The following GRIP1 variants were observed in gnomAD, a reference collection of about 807,000 sequenced individuals.
The protein encoded by GRIP1 is glutamate receptor-interacting protein 1.
A neutral mutation model predicts 129.9 loss-of-function variants in GRIP1; 45 were observed. The observed-to-expected ratio is 0.35, with a 90% CI of 0.27 to 0.44. The LOEUF (loss-of-function observed/expected upper bound fraction) is 0.44. Ranked by LOEUF, GRIP1 falls within the 20% of genes least tolerant of loss-of-function variation. The pLI is 1.00. For synonymous variants in GRIP1, 530 were observed against 520.8 expected (o/e 1.02, Z -0.24); for missense variants, 1,196 against 1,396.8 (o/e 0.86, Z 2.29).
chr12:66,856,966 A>G (rs572253706), intron 1 of GRIP1, among the ~76,000 whole-genome samples: 1 of 152,316 alleles, frequency 6.6e-6, no homozygotes, highest in Admixed American at 6.5e-5. Context: ...AAGACTTGGA[A>G]CCAACCCAAA....
chr12:66,971,024 G>A (rs2042068104), intron 1 of GRIP1, among the ~76,000 whole-genome samples: 1 of 152,144 alleles, frequency 6.6e-6, no homozygotes, highest in South Asian at 2.1e-4. Flanking sequence ...TTTCCGGGAG[G>A]TAAAATCCAT....
intron 1 of GRIP1, among the ~76,000 whole-genome samples, chr12:66,728,672 A>G (rs1203707736): frequency 6.6e-6 from 1 of 152,186 alleles, no homozygotes; most frequent in Non-Finnish European, 1.5e-5. Flanking sequence ...GGGCACCAGT[A>G]GCCTCTGCCA....
intron 15 of GRIP1, among the ~76,000 whole-genome samples, chr12:66,420,233 T>C (rs765484258): frequency 6.6e-6 from 1 of 152,146 alleles, no homozygotes; most frequent in Non-Finnish European, 1.5e-5. Context: ...AATATTTTTA[T>C]TTATGAAATG....
chr12:66,516,372 C>T (rs1174122297), intron 6 of GRIP1, among the ~76,000 whole-genome samples: 1 of 152,092 alleles, frequency 6.6e-6, no homozygotes, highest in Admixed American at 6.6e-5. Flanking sequence ...TTCAGTGACA[C>T]CACAAAAGTA....
chr12:66,806,177 A>T (rs568335744), upstream of GRIP1, among the ~76,000 whole-genome samples: 199 of 152,230 alleles, frequency 1.3e-3, no homozygotes, highest in African/African-American at 4.2e-3. Flanking sequence ...ATGTCATTAT[A>T]CCTCTATGGA....
intron 24 of GRIP1, among the ~76,000 whole-genome samples, chr12:66,350,536 TAGA>T (rs2054176660): frequency 6.6e-6 from 1 of 152,142 alleles, no homozygotes; most frequent in Non-Finnish European, 1.5e-5. Flanking sequence ...TTGTTACTGT[TAGA>T]ATCCATCCTT....
intron 1 of GRIP1, among the ~76,000 whole-genome samples, chr12:66,864,139 T>A (rs1312629222): frequency 6.6e-6 from 1 of 151,746 alleles, no homozygotes; most frequent in East Asian, 1.9e-4. Context: ...CCCGAGTGGA[T>A]CTCATGGCTT....
chr12:66,639,734 G>A (rs775962082), intron 1 of GRIP1, among the ~76,000 whole-genome samples: 1 of 152,108 alleles, frequency 6.6e-6, no homozygotes, highest in African/African-American at 2.4e-5. Context: ...GATAAAAGTT[G>A]TAAAAAACAT....
intron 1 of GRIP1, among the ~76,000 whole-genome samples, chr12:66,599,073 C>A (rs2064170930): frequency 6.6e-6 from 1 of 152,152 alleles, no homozygotes; most frequent in Admixed American, 6.6e-5. Flanking sequence ...CTGAGATAGT[C>A]TAGTTGAGCA....
chr12:66,698,213 T>C (rs2035230928), intron 1 of GRIP1, among the ~76,000 whole-genome samples: 1 of 152,192 alleles, frequency 6.6e-6, no homozygotes, highest in African/African-American at 2.4e-5. Flanking sequence ...TATCTAGACT[T>C]GAACATGCAC....
intron 1 of GRIP1, among the ~76,000 whole-genome samples, chr12:66,742,150 T>G (rs762255210): frequency 1.3e-5 from 2 of 152,138 alleles, no homozygotes; most frequent in African/African-American, 4.8e-5. Context: ...TTCTCTGAGG[T>G]TTAGTACTGA....
At chr12:66,383,802 C>G (rs1352610847) in intron 19 of GRIP1, among the ~76,000 whole-genome samples, 2 of 152,186 alleles carry the variant, frequency 1.3e-5, no homozygotes, top group African/African-American at 4.8e-5. Flanking sequence ...CAGACTAAAA[C>G]TATACTTCTT....
chr12:66,949,808 C>T (rs1289717079), intron 1 of GRIP1, among the ~76,000 whole-genome samples: 1 of 144,138 alleles, frequency 6.9e-6, no homozygotes, highest in Non-Finnish European at 1.5e-5. Flanking sequence ...CGCTCAGTCG[C>T]CCAGGCTGGA....
At chr12:66,902,842 A>C (rs894301435) in intron 1 of GRIP1, among the ~76,000 whole-genome samples, 3 of 152,156 alleles carry the variant, frequency 2.0e-5, no homozygotes, top group Non-Finnish European at 2.9e-5. Context: ...AGCGCTTTTG[A>C]ATTATTGAAC....
chr12:66,467,165 G>A (rs1235061307), intron 7 of GRIP1, among the ~76,000 whole-genome samples: 1 of 152,122 alleles, frequency 6.6e-6, no homozygotes, highest in Admixed American at 6.5e-5. Context: ...GTCAATTCCA[G>A]AGCAGAGTTT....
rs971898728 is a variant in GRIP1 at position 66,465,304 on chromosome 12, G to A, written c.843C>T (p.Asp281=). 2.5e-6 allele frequency: 4 copies of A among 1,613,732 alleles called. No homozygotes were observed. The highest frequency in any genetic ancestry group is 2.5e-6 in the Non-Finnish European group (3 of 1,179,780). Residue 281 remains aspartate, a synonymous_variant, in exon 8 of 25, where the codon GAC becomes GAT. Coordinates refer to ENST00000359742, the MANE Select transcript of GRIP1 (RefSeq NM_001366722.1). ...CTGCAATACTTGCAGATTTGATTTTGTCTATGACAATGACTTGTTTGTTAC... is the reference window on the plus strand; with the variant it reads ...CTGCAATACTTGCAGATTTGATTTTATCTATGACAATGACTTGTTTGTTAC... The part of the protein sequence containing the change: ...MCCNKQVIVI[D]KIKSASIADR...
intron 1 of GRIP1, among the ~76,000 whole-genome samples, chr12:67,016,211 T>TA (rs906022328): frequency 4.6e-5 from 7 of 152,216 alleles, no homozygotes; most frequent in Admixed American, 2.6e-4. Flanking sequence ...TTCCTTTCTC[T>TA]AAAAAAGATA....
chr12:66,877,278 T>C (rs1004199761), intron 1 of GRIP1, among the ~76,000 whole-genome samples: 8 of 152,110 alleles, frequency 5.3e-5, no homozygotes, highest in Non-Finnish European at 1.0e-4. Flanking sequence ...TATATTGATA[T>C]TGACATATGT....
At chr12:66,515,577 G>T in intron 7 of GRIP1, 42 bp downstream of exon 7, 2 of 1,573,650 alleles carry the variant, frequency 1.3e-6, no homozygotes, top group Non-Finnish European at 1.7e-6. Context: ...AGACAGTGAC[G>T]TTCTGGTGCT....
Sources: gnomAD v4.1 joint callset for allele counts (sites outside exome capture counted in the v4.1 genomes callset) on GRCh38, gnomAD v4.1.1 for gene constraint, MANE v1.5 for transcripts, NCBI Gene and HGNC (gene_info 2026-07-23, HGNC 2026-07-21) for gene names.